Variants in STARD6 observed in about 807,000 individuals in gnomAD.
STARD6 encodes the protein StAR related lipid transfer domain containing 6, also known as stAR-related lipid transfer protein 6.
A neutral mutation model predicts 22.3 loss-of-function variants in STARD6; 21 were observed. The observed-to-expected ratio is 0.94, with a 90% CI of 0.67 to 1.35. The LOEUF is 1.35. STARD6 is among the 40% of genes most tolerant of loss of function. The pLI is 0.00. For synonymous variants in STARD6, 80 were observed against 88.1 expected, an observed-to-expected ratio of 0.91 and a Z score of 0.52; for missense variants, 269 against 266.9, an observed-to-expected ratio of 1.01 and a Z score of -0.05.
chr18:54,338,448 G>A lies in STARD6; in HGVS notation c.141-1197C>T, dbSNP rs189014165. 4.2e-3 allele frequency among the ~76,000 whole-genome samples: 644 copies of A among 152,108 alleles called. 8 individuals are homozygous for A. Among genetic ancestry groups the A allele is most frequent in the African/African-American group, 0.015 (621 of 41,474 alleles). The stretch of plus-strand genomic sequence containing the variant: ...TAGGAGGCCAGGCTAAAAGATAACC[G>A]CAAGTAAAAAGTCAGAGCAGAGATA... On this transcript the variant is annotated intron_variant, in intron 4 of 7. Coordinates refer to ENST00000307844, the MANE Select transcript of STARD6 (RefSeq NM_139171.2).
chr18:54,325,819 G>T (rs537719242), intron 7 of STARD6, among the ~76,000 whole-genome samples: 25 of 151,984 alleles, frequency 1.6e-4, no homozygotes, highest in African/African-American at 5.8e-4. Flanking sequence ...CAAAATGCTG[G>T]GATTACAGGT....
At chr18:54,355,825 A>G (rs1386419334) in intron 2 of STARD6, 1 of 152,352 alleles carries the variant, frequency 6.6e-6, no homozygotes, top group South Asian at 2.1e-4. Context: ...CCTTCGGGTC[A>G]TCATCCAGCT....
chr18:54,329,403 T>G lies in STARD6; in HGVS notation c.423A>C (p.Ser141=). Residue 141 remains serine, a synonymous_variant, in exon 7 of 8, where the codon TCA becomes TCC. Transcript: ENST00000307844. ...GATGGTTATAACCGCGGATATAATT[T>G]GAAGATGGAGGATATTCTGGAAAAT... ...SVDFPEYPPS[S]NYIRGYNHPC... 1 of 1,605,000 alleles carries G rather than the reference T, an allele frequency of 6.2e-7. No individual in the cohort carries two copies. The highest frequency in any genetic ancestry group is 8.5e-7 in the Non-Finnish European group (1 of 1,176,590).
intron 4 of STARD6, among the ~76,000 whole-genome samples, chr18:54,349,199 T>G (rs538627481): frequency 6.6e-6 from 1 of 152,096 alleles, no homozygotes; most frequent in Non-Finnish European, 1.5e-5. Context: ...ATGTAGTAAA[T>G]AGAGGTTTAG....
chr18:54,330,337 G>A (rs912521440), intron 6 of STARD6, among the ~76,000 whole-genome samples: 2 of 151,808 alleles, frequency 1.3e-5, no homozygotes, highest in Non-Finnish European at 2.9e-5. Context: ...TTTTTTCCCT[G>A]TTTGAAATAT....
intron 6 of STARD6, among the ~76,000 whole-genome samples, 194 bp from the exon 7 acceptor site, chr18:54,329,634 GA>G (rs1377009064): frequency 6.6e-6 from 1 of 151,936 alleles, no homozygotes; most frequent in Non-Finnish European, 1.5e-5. Context: ...TTGTCCTCTT[GA>G]ACTTTTTCCT....
At chr18:54,351,291 G>A (rs1462395930) in intron 4 of STARD6, among the ~76,000 whole-genome samples, 1 of 152,140 alleles carries the variant, frequency 6.6e-6, no homozygotes, top group Non-Finnish European at 1.5e-5. Flanking sequence ...CACTGTTGCT[G>A]CATAGCAGTG....
chr18:54,350,571 G>T (rs963599363), intron 4 of STARD6, among the ~76,000 whole-genome samples: 1 of 152,138 alleles, frequency 6.6e-6, no homozygotes, highest in Non-Finnish European at 1.5e-5. Flanking sequence ...CCAATGTCTA[G>T]AAGAGTTTTC....
intron 4 of STARD6, among the ~76,000 whole-genome samples, chr18:54,353,518 G>T (rs943212973): frequency 1.3e-5 from 2 of 152,152 alleles, no homozygotes; most frequent in African/African-American, 4.8e-5. Flanking sequence ...AAATTAGTCA[G>T]GTGTGGTGGT....
chr18:54,342,474 C>T (rs532891716), intron 4 of STARD6, among the ~76,000 whole-genome samples: 10 of 123,436 alleles, frequency 8.1e-5, no homozygotes, highest in South Asian at 4.8e-4. Flanking sequence ...CCTCCCTCTC[C>T]GTCTCCGTCT....
At chr18:54,343,415 G>C (rs2088999367) in intron 4 of STARD6, among the ~76,000 whole-genome samples, 1 of 140,798 alleles carries the variant, frequency 7.1e-6, no homozygotes, top group Non-Finnish European at 1.6e-5. Flanking sequence ...CCGGGAGGGA[G>C]GTGGGGGGGT....
At chr18:54,335,917 C>A (rs762019590) in intron 5 of STARD6, among the ~76,000 whole-genome samples, 4 of 152,140 alleles carry the variant, frequency 2.6e-5, no homozygotes, top group African/African-American at 4.8e-5. Context: ...GTCAATTAAA[C>A]CTTTTTTCTT....
intron 4 of STARD6, among the ~76,000 whole-genome samples, chr18:54,341,123 G>A (rs570318768): frequency 3.3e-5 from 5 of 152,272 alleles, no homozygotes; most frequent in Admixed American, 6.5e-5. Context: ...GCAATGGCGC[G>A]ATCTCGGCTC....
intron 7 of STARD6, among the ~76,000 whole-genome samples, chr18:54,326,808 A>G (rs1408050368): frequency 6.6e-6 from 1 of 151,790 alleles, no homozygotes; most frequent in Non-Finnish European, 1.5e-5. Flanking sequence ...CTGGAATTAT[A>G]CTCTCTCCAT....
chr18:54,338,238 T>C lies in STARD6; in HGVS notation c.141-987A>G, dbSNP rs953456413. Among the ~76,000 whole-genome samples the C allele has an allele frequency of 2.0e-5, 3 of 152,226 alleles. 1 individual carries two copies. The highest frequency in any genetic ancestry group is 6.5e-5 in the Admixed American group (1 of 15,282). On this transcript the variant is annotated intron_variant, in intron 4 of 7. Coordinates refer to ENST00000307844, the MANE Select transcript of STARD6 (RefSeq NM_139171.2). ...GCTGGGTCTGGAAGACTGTGTATGC[T>C]GAAGGCTGCACCCTCTGAGGAGTGA...
At chr18:54,329,874 TG>T (rs2088852544) in intron 6 of STARD6, among the ~76,000 whole-genome samples, 1 of 150,136 alleles carries the variant, frequency 6.7e-6, no homozygotes, top group African/African-American at 2.5e-5. Flanking sequence ...GTGTTAATCA[TG>T]TTTTTTTTTT....
At chr18:54,339,396 T>C (rs1599302575) in intron 4 of STARD6, among the ~76,000 whole-genome samples, 1 of 151,752 alleles carries the variant, frequency 6.6e-6, no homozygotes, top group East Asian at 1.9e-4. Flanking sequence ...TTCTAAGTAG[T>C]ATAGGTGGAA....
At chr18:54,354,363 G>A in intron 3 of STARD6, 121 bp downstream of exon 3, 1 of 824,060 alleles carries the variant, frequency 1.2e-6, no homozygotes, top group Non-Finnish European at 1.9e-6. Context: ...TGAGTAGCTG[G>A]GACTATAGGT....
intron 4 of STARD6, among the ~76,000 whole-genome samples, chr18:54,338,633 TA>T (rs35102950): frequency 1.3e-5 from 2 of 148,650 alleles, no homozygotes; most frequent in Non-Finnish European, 3.0e-5. Flanking sequence ...AACGTTGTTT[TA>T]AAAAAAAAAC....
Sources: gnomAD v4.1 joint callset for allele counts (sites outside exome capture counted in the v4.1 genomes callset) on GRCh38, gnomAD v4.1.1 for gene constraint, MANE v1.5 for transcripts, NCBI Gene and HGNC (gene_info 2026-07-23, HGNC 2026-07-21) for gene names.